The following MSRA variants were observed in gnomAD, a reference collection of about 807,000 sequenced individuals.
MSRA encodes mitochondrial peptide methionine sulfoxide reductase.
MSRA carries 54 observed loss-of-function variants against 31.3 expected under a neutral mutation model. The ratio of observed to expected loss-of-function variants is 1.73; its 90% confidence interval spans 1.39 to 2.17. The LOEUF (loss-of-function observed/expected upper bound fraction) is 2.17, where lower values mean the gene tolerates loss of function less well. Among genes scored for constraint, MSRA ranks in the 30% most tolerant of loss-of-function variants. The probability of loss-of-function intolerance (pLI) is 0.00; values close to 1 mark genes in which losing one functional copy is unlikely to be tolerated. For synonymous variants in MSRA, 169 were observed against 116.5 expected, an observed-to-expected ratio of 1.45 and a Z score of -2.90; for missense variants, 507 against 300.9, an observed-to-expected ratio of 1.69 and a Z score of -5.07.
chr8:10,416,103 C>G (rs535813812), intron 5 of MSRA, among the ~76,000 whole-genome samples: 2 of 152,226 alleles, frequency 1.3e-5, no homozygotes, highest in East Asian at 1.9e-4. Context: ...TCCCCAGCAC[C>G]TGGCACGGCA....
intron 2 of MSRA, among the ~76,000 whole-genome samples, chr8:10,210,352 C>T (rs1208404492): frequency 6.6e-6 from 1 of 152,210 alleles, no homozygotes; most frequent in Non-Finnish European, 1.5e-5. Flanking sequence ...CTGACTCTCT[C>T]TGCACTGGTT....
chr8:10,184,970 A>T lies in MSRA; in HGVS notation c.143-22863A>T, dbSNP rs372318221. On this transcript the variant is annotated intron_variant, in intron 1 of 5. Transcript: ENST00000317173. ...TGTTGAATAAAACATGAGAATAAAC[A>T]GTTTGCATATGTAGCCTTTTGATCT... Among the ~76,000 whole-genome samples, 4 of 152,350 alleles carry T rather than the reference A, an allele frequency of 2.6e-5. No individual in the cohort carries two copies. In the South Asian group the frequency reaches 8.3e-4, roughly 32 times the overall value.
intron 5 of MSRA, among the ~76,000 whole-genome samples, chr8:10,327,949 A>C (rs186247348): frequency 7.6e-4 from 116 of 151,668 alleles, no homozygotes; most frequent in African/African-American, 1.1e-3. Flanking sequence ...ACAACAACAA[A>C]AAAACCTACT....
At chr8:10,191,001 C>T (rs905984301) in intron 1 of MSRA, among the ~76,000 whole-genome samples, 8 of 152,094 alleles carry the variant, frequency 5.3e-5, no homozygotes, top group East Asian at 3.9e-4. Context: ...GTCTCATGAC[C>T]GTGAGCAGAG....
chr8:10,278,004 C>T (rs571524895), intron 3 of MSRA, among the ~76,000 whole-genome samples: 5 of 152,268 alleles, frequency 3.3e-5, no homozygotes, highest in East Asian at 3.9e-4. Context: ...AAACCTCTTT[C>T]CATTTTTTCC....
chr8:10,229,308 G>A (rs1811263778), intron 2 of MSRA, among the ~76,000 whole-genome samples: 1 of 152,244 alleles, frequency 6.6e-6, no homozygotes, highest in African/African-American at 2.4e-5. Flanking sequence ...TTCAGAAGTA[G>A]CCATTAGAGA....
At chr8:10,384,138 G>C (rs1203831925) in intron 5 of MSRA, among the ~76,000 whole-genome samples, 6 of 152,172 alleles carry the variant, frequency 3.9e-5, no homozygotes, top group Admixed American at 3.9e-4. Flanking sequence ...AATTAGAAGA[G>C]CCTGACGGGT....
rs568995261 is a variant in MSRA at position 10,059,385 on chromosome 8, G to A, written c.142+4727G>A. On this transcript the variant is annotated intron_variant, in intron 1 of 5. Coordinates refer to ENST00000317173, the MANE Select transcript of MSRA (RefSeq NM_012331.5). ...ATAGATGTGGAAACTGAGGCCCATA[G>A]ATGTTAGGCAGTTTAAACAACATAC... is the stretch of plus-strand genomic sequence containing the variant. Among the ~76,000 whole-genome samples the A allele has an allele frequency of 2.0e-5, 3 of 152,212 alleles. 1 individual carries two copies. In the South Asian group the frequency reaches 6.2e-4, roughly 31 times the overall value.
At chr8:10,287,561 G>A (rs1301497830) in intron 3 of MSRA, among the ~76,000 whole-genome samples, 1 of 152,122 alleles carries the variant, frequency 6.6e-6, no homozygotes, top group African/African-American at 2.4e-5. Context: ...GGGGCCTCTG[G>A]TGTTTGTTAC....
intron 3 of MSRA, among the ~76,000 whole-genome samples, chr8:10,292,410 G>C (rs1395426370): frequency 6.6e-6 from 1 of 152,248 alleles, no homozygotes; most frequent in Non-Finnish European, 1.5e-5. Context: ...AGCACTCACA[G>C]GTTGCACCGC....
At chr8:10,171,168 G>A (rs1289116822) in intron 1 of MSRA, among the ~76,000 whole-genome samples, 1 of 152,190 alleles carries the variant, frequency 6.6e-6, no homozygotes, top group East Asian at 1.9e-4. Flanking sequence ...GAATGGTAGA[G>A]AAAGAGAAGC....
intron 1 of MSRA, among the ~76,000 whole-genome samples, chr8:10,135,042 T>G (rs1802172529): frequency 6.6e-6 from 1 of 152,256 alleles, no homozygotes; most frequent in South Asian, 2.1e-4. Context: ...AGCTTTACTT[T>G]AAGGTGAAGA....
intron 1 of MSRA, among the ~76,000 whole-genome samples, chr8:10,076,929 G>A (rs1431541854): frequency 6.6e-6 from 1 of 151,750 alleles, no homozygotes; most frequent in South Asian, 2.1e-4. Flanking sequence ...GAAAAAAAAA[G>A]CTAATGCCTG....
rs1253931867 is a variant in MSRA at position 10,208,646 on chromosome 8, C to T, written c.211+745C>T. Reference sequence around the variant, plus strand: ...CCCTCCCCTTCTCTCTAGCAGTGCTCTGGGGTTCATCCCTGTGTTACCCAC... The same window carrying T: ...CCCTCCCCTTCTCTCTAGCAGTGCTTTGGGGTTCATCCCTGTGTTACCCAC... On this transcript the variant is annotated intron_variant, in intron 2 of 5. Coordinates refer to ENST00000317173, the MANE Select transcript of MSRA (RefSeq NM_012331.5). Among the ~76,000 whole-genome samples the T allele has an allele frequency of 2.0e-5, 3 of 152,176 alleles. No homozygotes were observed. In the South Asian group the frequency reaches 6.2e-4, roughly 32 times the overall value.
intron 1 of MSRA, among the ~76,000 whole-genome samples, chr8:10,163,278 GC>G (rs1804825817): frequency 6.6e-6 from 1 of 152,204 alleles, no homozygotes; most frequent in Non-Finnish European, 1.5e-5. Flanking sequence ...CTCAGACCAC[GC>G]TGTAGGATTT....
At chr8:10,366,013 C>T (rs1373216108) in intron 5 of MSRA, among the ~76,000 whole-genome samples, 1 of 152,222 alleles carries the variant, frequency 6.6e-6, no homozygotes, top group Non-Finnish European at 1.5e-5. Context: ...GCCTCATTCC[C>T]CTGCTCCTTC....
intron 2 of MSRA, among the ~76,000 whole-genome samples, chr8:10,208,709 GGCATTCAGCTGC>G (rs1809227642): frequency 6.6e-6 from 1 of 152,074 alleles, no homozygotes; most frequent in African/African-American, 2.4e-5. Flanking sequence ...ATTTCAACTG[GGCATTCAGCTGC>G]CTCCCTTGGT....
chr8:10,075,300 G>A (rs554584745), intron 1 of MSRA, among the ~76,000 whole-genome samples: 1 of 152,292 alleles, frequency 6.6e-6, no homozygotes, highest in East Asian at 1.9e-4. Flanking sequence ...TTTGGAAGTT[G>A]TGTGTTCAAT....
At chr8:10,362,213 A>G (rs1452368877) in intron 5 of MSRA, among the ~76,000 whole-genome samples, 4 of 152,188 alleles carry the variant, frequency 2.6e-5, no homozygotes, top group Non-Finnish European at 4.4e-5. Flanking sequence ...TACTTTATAC[A>G]GCATGCCTAG....
Sources: allele counts gnomAD v4.1 joint callset (sites outside exome capture counted in the v4.1 genomes callset), GRCh38; gene constraint gnomAD v4.1.1; transcripts MANE v1.5; gene names NCBI Gene and HGNC (gene_info 2026-07-23, HGNC 2026-07-21).